The following RSPO4 variants were observed in gnomAD, a reference collection of about 807,000 sequenced individuals.
RSPO4 encodes R-spondin 4.
Under a neutral mutation model 24.8 loss-of-function variants are expected in RSPO4, and 23 were observed. The ratio of observed to expected loss-of-function variants is 0.93; its 90% CI spans 0.67 to 1.31. RSPO4 has a LOEUF of 1.31. RSPO4 is among the 40% of genes most tolerant of loss of function. The probability of loss-of-function intolerance (pLI) is 0.00; values close to 1 mark genes in which losing one functional copy is unlikely to be tolerated. For synonymous variants in RSPO4, 141 were observed against 127.4 expected (o/e 1.11, Z -0.72); for missense variants, 333 against 316.5 (o/e 1.05, Z -0.39).
intron 1 of RSPO4, among the ~76,000 whole-genome samples, chr20:998,985 CTTTT>C (rs537819758): frequency 6.8e-5 from 9 of 131,808 alleles, no homozygotes; most frequent in African/African-American, 8.8e-5. Context: ...CTCTCGCTCT[CTTTT>C]TTTTTTTTTT....
chr20:987,617 T>A (rs1275919896), intron 1 of RSPO4, among the ~76,000 whole-genome samples: 2 of 151,456 alleles, frequency 1.3e-5, no homozygotes, highest in Non-Finnish European at 2.9e-5. Flanking sequence ...GAGACCCTTA[T>A]CTCTATGAAA....
rs564645996 is a variant in RSPO4, at chr20:992,579, C to T, written c.79+9507G>A. Among the ~76,000 whole-genome samples the T allele has an allele frequency of 5.3e-5, 8 of 152,298 alleles. No homozygotes were observed. The South Asian group carries it at 1.0e-3, about 20-fold the overall frequency. ...GTTATCACCATTAAAGAAACACTGA[C>T]TGTCTTCCAGGGGCGTCACATGCAT... On this transcript the variant is annotated intron_variant, in intron 1 of 4. Transcript: ENST00000217260.
At chr20:992,392 G>A (rs1160694049) in intron 1 of RSPO4, among the ~76,000 whole-genome samples, 1 of 150,748 alleles carries the variant, frequency 6.6e-6, no homozygotes, top group South Asian at 2.1e-4. Flanking sequence ...ACAGCACTTA[G>A]GACCACCCTA....
intron 1 of RSPO4, among the ~76,000 whole-genome samples, chr20:987,041 G>GT (rs1353324660): frequency 3.9e-5 from 6 of 152,214 alleles, no homozygotes; most frequent in African/African-American, 1.2e-4. Context: ...GCCTGAGGTA[G>GT]TAACAGCATT....
At chr20:979,852 A>G (rs1984682584) in intron 1 of RSPO4, among the ~76,000 whole-genome samples, 1 of 151,966 alleles carries the variant, frequency 6.6e-6, no homozygotes, top group Non-Finnish European at 1.5e-5. Flanking sequence ...GCAGCACCAC[A>G]CCTACACCCT....
chr20:963,826 G>T lies in RSPO4; in HGVS notation c.595+109C>A, dbSNP rs1984083296. On this transcript the variant is annotated intron_variant, in intron 4 of 4. Transcript: ENST00000217260. Reference sequence around the variant, plus strand: ...TCCACATGATAGTATGGCTAATGGTGGCCTTTCAGGCAGTCTCATAGATAC... The same window carrying T: ...TCCACATGATAGTATGGCTAATGGTTGCCTTTCAGGCAGTCTCATAGATAC... 3 of 1,112,976 alleles carry T rather than the reference G, an allele frequency of 2.7e-6. No homozygotes were observed. In the Admixed American group the frequency reaches 5.2e-5, roughly 19 times the overall value. 68.9% of individuals were successfully genotyped at this position (1,112,976 alleles called of 1,614,324 possible). A position where few individuals can be genotyped will look rare whatever the true frequency, so the allele number is the denominator to read the frequency against.
intron 1 of RSPO4, among the ~76,000 whole-genome samples, chr20:986,051 C>A (rs761242160): frequency 6.6e-6 from 1 of 152,232 alleles, no homozygotes; most frequent in Non-Finnish European, 1.5e-5. Context: ...TTGAAGGAGG[C>A]TCTTGAGCTT....
intron 1 of RSPO4, among the ~76,000 whole-genome samples, chr20:993,021 G>A (rs1351691151): frequency 2.0e-5 from 3 of 152,288 alleles, no homozygotes; most frequent in African/African-American, 7.2e-5. Flanking sequence ...AGGCTCAGAA[G>A]GGCAACTGTG....
intron 1 of RSPO4, among the ~76,000 whole-genome samples, chr20:991,114 G>T (rs908309184): frequency 6.6e-6 from 1 of 152,168 alleles, no homozygotes; most frequent in African/African-American, 2.4e-5. Context: ...GACTTTGCTT[G>T]TTTATTTTAA....
intron 1 of RSPO4, among the ~76,000 whole-genome samples, chr20:986,119 G>T (rs1984913058): frequency 6.6e-6 from 1 of 152,222 alleles, no homozygotes; most frequent in Non-Finnish European, 1.5e-5. Flanking sequence ...GTGGGGATGG[G>T]GTAGTGAGGA....
intron 1 of RSPO4, among the ~76,000 whole-genome samples, chr20:995,268 G>A (rs1985238610): frequency 6.6e-6 from 1 of 152,202 alleles, no homozygotes; most frequent in Non-Finnish European, 1.5e-5. Flanking sequence ...GCATTAGATG[G>A]GTTTTCAGAA....
chr20:997,176 C>A (rs1985319688), intron 1 of RSPO4, among the ~76,000 whole-genome samples: 1 of 152,212 alleles, frequency 6.6e-6, no homozygotes, highest in Non-Finnish European at 1.5e-5. Context: ...TGCACAGCTC[C>A]TGGCACATGG....
At chr20:986,914 T>G (rs1479123664) in intron 1 of RSPO4, among the ~76,000 whole-genome samples, 1 of 152,158 alleles carries the variant, frequency 6.6e-6, no homozygotes, top group East Asian at 1.9e-4. Context: ...CTAAGAATTT[T>G]CAAATTGAAG....
At chr20:974,795 C>T (rs913733841) in intron 1 of RSPO4, among the ~76,000 whole-genome samples, 1 of 152,184 alleles carries the variant, frequency 6.6e-6, no homozygotes, top group African/African-American at 2.4e-5. Context: ...CCAAGAGACA[C>T]AGACAAAGAC....
rs1250694476 is a variant in RSPO4, at chr20:960,139, G to C, written c.*218C>G. On this transcript the variant is annotated 3_prime_UTR_variant, in exon 5 of 5. Coordinates refer to ENST00000217260, the MANE Select transcript of RSPO4 (RefSeq NM_001029871.4). ...GAAGAGGAAGGAAGGGAAGGAGGGA[G>C]GGAGAAAGGAGAGGAGAATGGAGGT... 2.6e-5 allele frequency: 15 copies of C among 580,522 alleles called. No homozygotes were observed. Among genetic ancestry groups the C allele is most frequent in the Non-Finnish European group, 4.6e-5 (15 of 327,442 alleles). The allele number at this position is 580,522 out of a possible 1,614,324, so 36.0% of individuals were successfully genotyped here.
chr20:1,000,112 G>A (rs1308691301), intron 1 of RSPO4, among the ~76,000 whole-genome samples: 1 of 151,940 alleles, frequency 6.6e-6, no homozygotes, highest in Admixed American at 6.6e-5. Flanking sequence ...CAAATGATCC[G>A]CCTGCCTTGG....
Position 960,082 on chromosome 20 carries a change from AAG to A in RSPO4, c.*273_*274del. ...AAGGACAGGAAGAAACACAGGAAGA[AAG>A]AAAAGGAAAGATAAAAGATAAGTGA... On this transcript the variant is annotated 3_prime_UTR_variant, in exon 5 of 5. Coordinates refer to ENST00000217260, the MANE Select transcript of RSPO4 (RefSeq NM_001029871.4). 1.9e-6 allele frequency: 1 copy of A among 529,642 alleles called. No individual in the cohort carries two copies. Among genetic ancestry groups the A allele is most frequent in the Non-Finnish European group, 3.4e-6 (1 of 296,222 alleles). 32.8% of individuals were successfully genotyped at this position (529,642 alleles called of 1,614,324 possible). A position where few individuals can be genotyped will look rare whatever the true frequency, so the allele number is the denominator to read the frequency against.
intron 1 of RSPO4, among the ~76,000 whole-genome samples, chr20:997,873 G>A (rs1368454896): frequency 6.6e-6 from 1 of 152,204 alleles, no homozygotes; most frequent in Non-Finnish European, 1.5e-5. Context: ...AAGAGGCAGA[G>A]GTGAGCTTAA....
chr20:1,000,080 GCTGGTCTCAAACTC>G (rs1390599382), intron 1 of RSPO4, among the ~76,000 whole-genome samples: 6 of 152,178 alleles, frequency 3.9e-5, no homozygotes, highest in African/African-American at 9.6e-5. Context: ...TGTTAGCCAG[GCTGGTCTCAAACTC>G]CTGATCTCAA....
Sources: gnomAD v4.1 joint callset for allele counts (sites outside exome capture counted in the v4.1 genomes callset) on GRCh38, gnomAD v4.1.1 for gene constraint, MANE v1.5 for transcripts, NCBI Gene and HGNC (gene_info 2026-07-23, HGNC 2026-07-21) for gene names.